Variants in FCHO2 observed in about 807,000 individuals in gnomAD.
FCHO2 encodes the protein FCH and mu domain containing endocytic adaptor 2, also known as F-BAR domain only protein 2.
In FCHO2, 43 loss-of-function variants were observed where a neutral mutation model predicts 114.1. The observed-to-expected ratio is 0.38, with a 90% confidence interval of 0.30 to 0.49. FCHO2 has a LOEUF of 0.49. FCHO2 is among the 20% of genes least tolerant of loss of function. The pLI, the probability that FCHO2 is intolerant of heterozygous loss-of-function variation, is 0.97. For synonymous variants in FCHO2, 293 were observed against 315.2 expected, an observed-to-expected ratio of 0.93 and a Z score of 0.75; for missense variants, 807 against 950.4, an observed-to-expected ratio of 0.85 and a Z score of 1.98.
intron 24 of FCHO2, among the ~76,000 whole-genome samples, chr5:73,086,634 A>C (rs963038686): frequency 4.6e-5 from 7 of 152,106 alleles, no homozygotes; most frequent in Non-Finnish European, 7.4e-5. Context: ...TAGAGTCCTA[A>C]ACTGTTTTGA....
At chr5:73,066,672 T>C (rs1485796242) in intron 18 of FCHO2, among the ~76,000 whole-genome samples, 7 of 145,438 alleles carry the variant, frequency 4.8e-5, no homozygotes, top group African/African-American at 1.8e-4. Context: ...AACCACATCC[T>C]CCCTACCCAC....
chr5:73,020,790 C>T, intron 8 of FCHO2: 1 of 953,228 alleles, frequency 1.0e-6, no homozygotes, highest in Non-Finnish European at 1.7e-6. Flanking sequence ...TGTCCCCATC[C>T]TGATCAGCCT....
At chr5:72,996,796 C>G in intron 5 of FCHO2, 1 of 664,760 alleles carries the variant, frequency 1.5e-6, no homozygotes, top group South Asian at 1.8e-5. Flanking sequence ...CCCCTCTCTG[C>G]AGCCTCTCCT....
intron 23 of FCHO2, 101 bp from the exon 24 acceptor site, chr5:73,082,660 T>C: frequency 1.1e-6 from 1 of 892,100 alleles, no homozygotes; most frequent in Non-Finnish European, 1.7e-6. Context: ...ATATATTTGT[T>C]GTAGTGAAAA....
At chr5:73,020,080 G>A (rs1385259712) in intron 8 of FCHO2, among the ~76,000 whole-genome samples, 1 of 152,102 alleles carries the variant, frequency 6.6e-6, no homozygotes, top group Non-Finnish European at 1.5e-5. Flanking sequence ...CTCCTGGAGA[G>A]GCAACATCCC....
At chr5:73,024,472 C>T (rs1327145114) in intron 8 of FCHO2, among the ~76,000 whole-genome samples, 2 of 151,334 alleles carry the variant, frequency 1.3e-5, no homozygotes, top group African/African-American at 2.4e-5. Context: ...CGGAGTCTCG[C>T]TCCGTCGCCC....
chr5:72,975,540 C>T (rs1325543253), intron 2 of FCHO2, among the ~76,000 whole-genome samples: 3 of 151,678 alleles, frequency 2.0e-5, no homozygotes, highest in Non-Finnish European at 2.9e-5. Context: ...CGCTCTGTTA[C>T]CCAGCCCAGG....
rs556774982 is a variant in FCHO2, at chr5:73,071,396, G to A, written c.1579+2617G>A. 3.3e-5 allele frequency among the ~76,000 whole-genome samples: 5 copies of A among 152,164 alleles called. 1 individual carries two copies. In the East Asian group the frequency reaches 9.7e-4, roughly 29 times the overall value. On this transcript the variant is annotated intron_variant, in intron 19 of 25. Transcript: ENST00000430046. ...GAAAACCATACAGATGAAGTTAGAAGCATGGAGATGATAGGAGATAGTAGG... is the reference window on the plus strand; with the variant it reads ...GAAAACCATACAGATGAAGTTAGAAACATGGAGATGATAGGAGATAGTAGG...
intron 22 of FCHO2, among the ~76,000 whole-genome samples, chr5:73,078,594 A>G (rs1340363369): frequency 6.6e-6 from 1 of 152,260 alleles, no homozygotes; most frequent in Admixed American, 6.5e-5. Flanking sequence ...CTCCCAAAGT[A>G]ATCAATTAAA....
At chr5:73,034,586 T>TAA in intron 8 of FCHO2, 71 bp from the exon 9 acceptor site, 1 of 1,213,024 alleles carries the variant, frequency 8.2e-7, no homozygotes, top group Non-Finnish European at 1.2e-6. Flanking sequence ...ATTTAAAATG[T>TAA]AAAAAAAAAG....
intron 1 of FCHO2, among the ~76,000 whole-genome samples, chr5:72,956,415 G>A (rs917865014): frequency 3.3e-5 from 5 of 151,750 alleles, no homozygotes; most frequent in Admixed American, 2.6e-4. Context: ...GGCGGGAGAC[G>A]GGACCCAGCC....
intron 8 of FCHO2, among the ~76,000 whole-genome samples, chr5:73,033,563 C>A (rs1477326307): frequency 1.3e-5 from 2 of 151,984 alleles, no homozygotes; most frequent in African/African-American, 2.4e-5. Context: ...TAACAAAATC[C>A]TCTATCATCT....
Position 72,985,969 on chromosome 5 carries a change from T to TGA in FCHO2, c.126-3458_126-3457insGA, listed in dbSNP as rs539639900. Among the ~76,000 whole-genome samples, 15 of 152,270 alleles carry TGA rather than the reference T, an allele frequency of 9.9e-5. No homozygotes were observed. In the East Asian group the frequency reaches 2.1e-3, roughly 22 times the overall value. The stretch of plus-strand genomic sequence containing the variant: ...AATATTTTCTCTAACTCATTCTTTC[T>TGA]CTTTACTCATTTATCTGACTTTTCT... On this transcript the variant is annotated intron_variant, in intron 2 of 25. Transcript: ENST00000430046.
At chr5:73,020,132 C>A (rs1246544720) in intron 8 of FCHO2, among the ~76,000 whole-genome samples, 1 of 152,166 alleles carries the variant, frequency 6.6e-6, no homozygotes, top group Non-Finnish European at 1.5e-5. Flanking sequence ...AACTGCCAGA[C>A]CCCTGAACTA....
intron 8 of FCHO2, among the ~76,000 whole-genome samples, chr5:73,022,079 A>T (rs1359096845): frequency 1.3e-5 from 2 of 152,178 alleles, no homozygotes; most frequent in Non-Finnish European, 2.9e-5. Flanking sequence ...CTGGATCACA[A>T]ATCAAGTCAC....
At chr5:73,045,892 CTG>C (rs1757027983) in intron 11 of FCHO2, among the ~76,000 whole-genome samples, 1 of 152,214 alleles carries the variant, frequency 6.6e-6, no homozygotes, top group East Asian at 1.9e-4. Flanking sequence ...GTTTGTTCCT[CTG>C]TTTTTGTTTC....
intron 24 of FCHO2, among the ~76,000 whole-genome samples, chr5:73,085,242 G>A (rs532016755): frequency 1.3e-5 from 2 of 151,802 alleles, no homozygotes; most frequent in South Asian, 2.1e-4. Context: ...TCAGCTACTC[G>A]GGAGGCTGAG....
At chr5:73,055,048 GC>G (rs755762853) in intron 15 of FCHO2, 1 of 367,674 alleles carries the variant, frequency 2.7e-6, no homozygotes, top group South Asian at 2.1e-5. Context: ...CCACTCAAAA[GC>G]TATGTAATTT....
At position 73,018,815 on chromosome 5, in the gene FCHO2, C is replaced by G. The variant is rs542115063; in HGVS notation, c.796+1507C>G. Among the ~76,000 whole-genome samples, 14 of 152,298 alleles carry G rather than the reference C, an allele frequency of 9.2e-5. No homozygotes were observed. In the East Asian group the frequency reaches 1.5e-3, roughly 17 times the overall value. On this transcript the variant is annotated intron_variant, in intron 8 of 25. Coordinates refer to ENST00000430046, the MANE Select transcript of FCHO2 (RefSeq NM_138782.3). Reference sequence around the variant, plus strand: ...CCCAGCTACTTCCCTGTTCTCTACCCTTTTCCATCACTTTGCAGTGGTATT... The same window carrying G: ...CCCAGCTACTTCCCTGTTCTCTACCGTTTTCCATCACTTTGCAGTGGTATT...
Sources: gnomAD v4.1 joint callset for allele counts (sites outside exome capture counted in the v4.1 genomes callset) on GRCh38, gnomAD v4.1.1 for gene constraint, MANE v1.5 for transcripts, NCBI Gene and HGNC (gene_info 2026-07-23, HGNC 2026-07-21) for gene names.